ARNT2: variants seen among roughly 807,000 people sequenced by gnomAD.
ARNT2 encodes ARNT protein 2.
In ARNT2, 36 loss-of-function variants were observed where a neutral mutation model predicts 91.7. That is an observed-to-expected ratio of 0.39 (90% CI 0.30 to 0.52). The LOEUF is 0.52. Ranked by LOEUF, ARNT2 falls within the 20% of genes least tolerant of loss-of-function variation. The pLI, the probability that ARNT2 is intolerant of heterozygous loss-of-function variation, is 0.72. For missense variants in ARNT2, 775 were observed against 939.3 expected, an observed-to-expected ratio of 0.83 and a Z score of 2.29; for synonymous variants, 365 against 347.1, an observed-to-expected ratio of 1.05 and a Z score of -0.57.
At chr15:80,428,558 C>G (rs986280197) in intron 1 of ARNT2, among the ~76,000 whole-genome samples, 3 of 152,146 alleles carry the variant, frequency 2.0e-5, no homozygotes, top group Admixed American at 2.0e-4. Flanking sequence ...GTAGAAACTG[C>G]GTCCGAAGGA....
At chr15:80,465,018 C>A (rs1896632778) in intron 3 of ARNT2, among the ~76,000 whole-genome samples, 1 of 152,188 alleles carries the variant, frequency 6.6e-6, no homozygotes, top group African/African-American at 2.4e-5. Flanking sequence ...CTGACTCTAC[C>A]CTAACTGGTC....
intron 4 of ARNT2, among the ~76,000 whole-genome samples, chr15:80,473,041 C>T (rs887711583): frequency 2.0e-5 from 3 of 152,150 alleles, no homozygotes; most frequent in Non-Finnish European, 4.4e-5. Context: ...ATAATGGTTA[C>T]ATTTATGGAG....
chr15:80,545,410 G>A (rs2141452219), intron 8 of ARNT2, among the ~76,000 whole-genome samples: 1 of 152,356 alleles, frequency 6.6e-6, no homozygotes, highest in Admixed American at 6.5e-5. Context: ...TGGAGGAACT[G>A]TAGGTACATG....
chr15:80,574,063 T>G, intron 12 of ARNT2, 85 bp from the exon 13 acceptor site: 1 of 1,113,810 alleles, frequency 9.0e-7, no homozygotes. Context: ...CCACTCTGCC[T>G]CTGAGGTATG....
chr15:80,424,770 C>G (rs1483246832), intron 1 of ARNT2, among the ~76,000 whole-genome samples: 1 of 97,980 alleles, frequency 1.0e-5, no homozygotes, highest in East Asian at 3.4e-4. Context: ...TCTTCCAAAA[C>G]AGCCCTCAAA....
intron 10 of ARNT2, among the ~76,000 whole-genome samples, chr15:80,553,329 TG>T (rs1898118473): frequency 6.6e-6 from 1 of 152,210 alleles, no homozygotes. Context: ...AATTGTGTCC[TG>T]GGCCTCAAGA....
chr15:80,464,790 C>A (rs951677666), intron 3 of ARNT2, among the ~76,000 whole-genome samples: 4 of 152,164 alleles, frequency 2.6e-5, no homozygotes, highest in Non-Finnish European at 5.9e-5. Flanking sequence ...AGCGACTGGC[C>A]ATGAAGGATG....
At chr15:80,488,341 A>G (rs1897005551) in intron 5 of ARNT2, among the ~76,000 whole-genome samples, 1 of 152,258 alleles carries the variant, frequency 6.6e-6, no homozygotes, top group Admixed American at 6.5e-5. Flanking sequence ...AGATTTAACC[A>G]TGTAACACTG....
rs1046075614 is a variant in ARNT2 at position 80,578,862 on chromosome 15, G to A, written c.1614-1549G>A. On this transcript the variant is annotated intron_variant, in intron 15 of 18. Transcript: ENST00000303329. ...AATGGGCAGAATTTCCTGTATATCC[G>A]AAGGATCTGAGCTGGCTTGGGATGG... 7.9e-5 allele frequency among the ~76,000 whole-genome samples: 12 copies of A among 152,216 alleles called. No individual in the cohort carries two copies. In the South Asian group the frequency reaches 1.0e-3, roughly 13 times the overall value.
chr15:80,515,658 G>A (rs907341202), intron 8 of ARNT2, among the ~76,000 whole-genome samples: 3 of 151,270 alleles, frequency 2.0e-5, no homozygotes, highest in Non-Finnish European at 1.5e-5. Flanking sequence ...ATTACATAGT[G>A]GTAATAGTTG....
chr15:80,544,485 G>T (rs935896066), intron 8 of ARNT2, among the ~76,000 whole-genome samples: 3 of 152,070 alleles, frequency 2.0e-5, no homozygotes, highest in African/African-American at 7.2e-5. Context: ...GTGTGTGTTT[G>T]TTTCTGACAA....
intron 3 of ARNT2, among the ~76,000 whole-genome samples, chr15:80,465,005 G>C (rs1896632724): frequency 6.6e-6 from 1 of 152,218 alleles, no homozygotes; most frequent in African/African-American, 2.4e-5. Flanking sequence ...TCTTCCTACA[G>C]TTCTGACTCT....
intron 2 of ARNT2, among the ~76,000 whole-genome samples, chr15:80,452,278 G>A (rs1182752102): frequency 6.6e-6 from 1 of 152,208 alleles, no homozygotes; most frequent in East Asian, 1.9e-4. Context: ...ACGCTCACTT[G>A]CACTCGCTGG....
At position 80,405,524 on chromosome 15, in the gene ARNT2, GA is replaced by G. The variant is rs539494675; in HGVS notation, c.31+982del. 2.6e-5 allele frequency among the ~76,000 whole-genome samples: 4 copies of G among 152,292 alleles called. No individual in the cohort carries two copies. In the South Asian group the frequency reaches 8.3e-4, roughly 32 times the overall value. Reference sequence around the variant, plus strand: ...GGGAGGAACAGCAATGCCTAGCAAAGAAAAGTGTCTCTCATCATAGAATTAG... The same window carrying G: ...GGGAGGAACAGCAATGCCTAGCAAAGAAAGTGTCTCTCATCATAGAATTAG... On this transcript the variant is annotated intron_variant, in intron 1 of 18. Coordinates refer to ENST00000303329, the MANE Select transcript of ARNT2 (RefSeq NM_014862.4).
intron 5 of ARNT2, among the ~76,000 whole-genome samples, chr15:80,488,209 G>A (rs944008132): frequency 2.0e-5 from 3 of 152,108 alleles, no homozygotes; most frequent in Non-Finnish European, 2.9e-5. Context: ...TCTCTGTCCT[G>A]GATAAAGAGG....
At chr15:80,424,569 T>C (rs1388739534) in intron 1 of ARNT2, among the ~76,000 whole-genome samples, 1 of 152,168 alleles carries the variant, frequency 6.6e-6, no homozygotes, top group African/African-American at 2.4e-5. Flanking sequence ...ATGGCAGTGG[T>C]ATTGCCCATG....
chr15:80,593,335 C>A (rs1443753054), intron 18 of ARNT2, among the ~76,000 whole-genome samples: 1 of 152,218 alleles, frequency 6.6e-6, no homozygotes, highest in East Asian at 1.9e-4. Context: ...TACCCTGGGT[C>A]CCTGACTCAA....
intron 8 of ARNT2, among the ~76,000 whole-genome samples, chr15:80,544,371 C>T (rs548728866): frequency 2.6e-5 from 4 of 152,124 alleles, no homozygotes; most frequent in Middle Eastern, 3.4e-3. Context: ...CCAGGCTTGT[C>T]GTATTTGTTA....
chr15:80,584,495 G>A (rs1898856621), intron 17 of ARNT2, among the ~76,000 whole-genome samples: 1 of 152,204 alleles, frequency 6.6e-6, no homozygotes, highest in Non-Finnish European at 1.5e-5. Context: ...AAAGGGTGCA[G>A]GGAACAGAGC....
Sources: allele counts gnomAD v4.1 joint callset (sites outside exome capture counted in the v4.1 genomes callset), GRCh38; gene constraint gnomAD v4.1.1; transcripts MANE v1.5; gene names NCBI Gene and HGNC (gene_info 2026-07-23, HGNC 2026-07-21).